Variants in PCDH15 observed in about 807,000 individuals in gnomAD.
PCDH15 encodes the protein protocadherin-15.
In PCDH15, 129 loss-of-function variants were observed where a neutral mutation model predicts 178.5. The ratio of observed to expected loss-of-function variants is 0.72; its 90% CI spans 0.63 to 0.84. The LOEUF (loss-of-function observed/expected upper bound fraction) is 0.84. Ranked by LOEUF, PCDH15 falls within the 40% of genes least tolerant of loss-of-function variation. The pLI is 0.00. For synonymous variants in PCDH15, 800 were observed against 732.0 expected, an observed-to-expected ratio of 1.09 and a Z score of -1.50; for missense variants, 2,230 against 2,099.9, an observed-to-expected ratio of 1.06 and a Z score of -1.21.
At chr10:54,598,026 T>G (rs2092327112) in intron 2 of PCDH15, among the ~76,000 whole-genome samples, 1 of 152,130 alleles carries the variant, frequency 6.6e-6, no homozygotes, top group Non-Finnish European at 1.5e-5. Flanking sequence ...CTAGACCAGA[T>G]GAATTCACTT....
intron 13 of PCDH15, 136 bp downstream of exon 13, chr10:54,183,308 C>T (rs1223879645): frequency 3.0e-5 from 26 of 879,140 alleles, no homozygotes; most frequent in Non-Finnish European, 3.7e-6. Flanking sequence ...AAATTTAAAG[C>T]TATTTAAACT....
intron 1 of PCDH15, among the ~76,000 whole-genome samples, chr10:55,190,357 G>A (rs72801693): frequency 6.6e-6 from 1 of 151,086 alleles, no homozygotes; most frequent in African/African-American, 2.4e-5. Flanking sequence ...TTATCCAGGG[G>A]TATATATATG....
intron 2 of PCDH15, among the ~76,000 whole-genome samples, chr10:55,528,561 AT>A (rs1178695996): frequency 2.0e-5 from 3 of 151,980 alleles, no homozygotes; most frequent in African/African-American, 7.2e-5. Context: ...TGAACTCATC[AT>A]TTTTTATGGC....
intron 2 of PCDH15, among the ~76,000 whole-genome samples, chr10:54,993,681 C>T (rs943488762): frequency 6.6e-6 from 1 of 151,950 alleles, no homozygotes; most frequent in Non-Finnish European, 1.5e-5. Flanking sequence ...TGAAAAAACA[C>T]AAGTGAGGTA....
intron 2 of PCDH15, among the ~76,000 whole-genome samples, chr10:55,591,611 C>G (rs1842844311): frequency 6.6e-6 from 1 of 151,920 alleles, no homozygotes. Context: ...ATTTGACAAA[C>G]TTTTGCTTTC....
intron 2 of PCDH15, among the ~76,000 whole-genome samples, chr10:55,405,465 T>C (rs1156298686): frequency 1.3e-5 from 2 of 151,438 alleles, no homozygotes; most frequent in African/African-American, 2.4e-5. Context: ...ACTTAAATCA[T>C]TTATCTATTT....
chr10:54,809,803 A>G (rs1220602193), intron 3 of PCDH15, among the ~76,000 whole-genome samples: 3 of 152,166 alleles, frequency 2.0e-5, no homozygotes, highest in East Asian at 1.9e-4. Context: ...TTTGTTGGAC[A>G]AGGAAGTTGA....
chr10:55,009,250 A>ATATGTG, intron 2 of PCDH15, among the ~76,000 whole-genome samples: 1 of 149,450 alleles, frequency 6.7e-6, no homozygotes, highest in Non-Finnish European at 1.5e-5. Context: ...GCACGCACAG[A>ATATGTG]TGTGTGTGTG....
Position 55,341,574 on chromosome 10 carries a change from C to CT in PCDH15, c.-155-174924dup, listed in dbSNP as rs60297759. ...TTTTCTCATATTCTAGATTAGCATCCTTTTTTTTTTTTTTGAGACAGAGTC... is the reference window on the plus strand; with the variant it reads ...TTTTCTCATATTCTAGATTAGCATCCTTTTTTTTTTTTTTTGAGACAGAGTC... On this transcript the variant is annotated intron_variant, in intron 2 of 5. Coordinates refer to the PCDH15 transcript ENST00000613346. 1.3e-3 allele frequency among the ~76,000 whole-genome samples: 174 copies of CT among 137,184 alleles called. 3 individuals carry two copies. The highest frequency in any genetic ancestry group is 6.2e-3 in the South Asian group (27 of 4,338). 90.0% of individuals were successfully genotyped at this position (137,184 alleles called of 152,430 possible).
rs542672363 is a variant in PCDH15 at position 54,593,058 on chromosome 10, C to T, written c.92-65181G>A. Reference sequence around the variant, plus strand: ...TTATTTTTCTATTGAGTTTTGTGAACTCCTTATATATTTTGAATATTACCT... The same window carrying T: ...TTATTTTTCTATTGAGTTTTGTGAATTCCTTATATATTTTGAATATTACCT... On this transcript the variant is annotated intron_variant, in intron 2 of 37. Coordinates refer to ENST00000644397, the MANE Select transcript of PCDH15 (RefSeq NM_001384140.1). 2.0e-5 allele frequency among the ~76,000 whole-genome samples: 3 copies of T among 152,126 alleles called. No individual in the cohort carries two copies. The South Asian group carries it at 6.2e-4, about 32-fold the overall frequency.
At chr10:55,602,071 T>C (rs1386876398) in intron 2 of PCDH15, among the ~76,000 whole-genome samples, 3 of 152,024 alleles carry the variant, frequency 2.0e-5, no homozygotes, top group Non-Finnish European at 2.9e-5. Context: ...GTTGCCTCAC[T>C]CGGGAGGCGC....
intron 8 of PCDH15, among the ~76,000 whole-genome samples, chr10:54,268,837 TA>T (rs1218817614): frequency 3.3e-5 from 5 of 151,930 alleles, no homozygotes; most frequent in Admixed American, 2.6e-4. Flanking sequence ...TGATTTAAGA[TA>T]TTTTTTGATG....
At chr10:55,091,022 G>T (rs1351511945) in intron 2 of PCDH15, among the ~76,000 whole-genome samples, 3 of 151,732 alleles carry the variant, frequency 2.0e-5, no homozygotes, top group Non-Finnish European at 4.4e-5. Context: ...TTTACTTTAT[G>T]ACGTTATTTA....
chr10:55,086,016 T>C (rs1842159678), intron 2 of PCDH15, among the ~76,000 whole-genome samples: 1 of 151,706 alleles, frequency 6.6e-6, no homozygotes, highest in Non-Finnish European at 1.5e-5. Context: ...ATTCTTAAAT[T>C]ATATACATAT....
intron 1 of PCDH15, among the ~76,000 whole-genome samples, chr10:55,188,393 T>G (rs970787815): frequency 2.0e-5 from 3 of 151,928 alleles, no homozygotes; most frequent in African/African-American, 7.2e-5. Context: ...ATATTTCCAT[T>G]TTGATCATCA....
Position 53,805,580 on chromosome 10 carries a change from C to T in PCDH15, c.*999G>A, listed in dbSNP as rs919684898. On this transcript the variant is annotated 3_prime_UTR_variant, in exon 38 of 38. Coordinates refer to ENST00000644397, the MANE Select transcript of PCDH15 (RefSeq NM_001384140.1). ...TGAAAATGGAAGAAGTTAAACACAA[C>T]ATTTGAAGTTATGAATTCATAGCCT... 1 of 151,960 alleles carries T rather than the reference C, an allele frequency of 6.6e-6. No homozygotes were observed. The highest frequency in any genetic ancestry group is 2.4e-5 in the African/African-American group (1 of 41,350). 9.4% of individuals were successfully genotyped at this position (151,960 alleles called of 1,614,324 possible).
In PCDH15 at chr10:55,420,534, C is replaced by T. The variant is rs564897949; in HGVS notation, c.-156+207091G>A. Among the ~76,000 whole-genome samples, 45 of 151,560 alleles carry T rather than the reference C, an allele frequency of 3.0e-4. 1 individual carries two copies. In the South Asian group the frequency reaches 8.5e-3, roughly 29 times the overall value. ...GTCTGCATTTAGGAGGGGGATGACACGCAGAGAAATCCCAAGGAATCACTT... is the reference window on the plus strand; with the variant it reads ...GTCTGCATTTAGGAGGGGGATGACATGCAGAGAAATCCCAAGGAATCACTT... On this transcript the variant is annotated intron_variant, in intron 2 of 5. Coordinates refer to the PCDH15 transcript ENST00000613346.
At chr10:55,265,741 G>T (rs1295413369) in intron 1 of PCDH15, among the ~76,000 whole-genome samples, 9 of 152,048 alleles carry the variant, frequency 5.9e-5, no homozygotes, top group Admixed American at 4.6e-4. Context: ...GCTAAGAGAG[G>T]CCTTGGTAAA....
In PCDH15 at chr10:54,462,680, ATTTTTTTT is replaced by A. The variant is rs767750465; in HGVS notation, c.157+65124_157+65131del. Among the ~76,000 whole-genome samples the A allele has an allele frequency of 1.8e-3, 103 of 56,240 alleles. 1 individual carries two copies. Among genetic ancestry groups the A allele is most frequent in the African/African-American group, 8.3e-3 (93 of 11,256 alleles). 36.9% of individuals were successfully genotyped at this position (56,240 alleles called of 152,430 possible). On this transcript the variant is annotated intron_variant, in intron 3 of 37. Transcript: ENST00000644397. ...AGGCACGTGTCACCACACCTGCTTAATTTTTTTTTTTTTTTTTTTTTTTTTTTTTTTAA... is the reference window on the plus strand; with the variant it reads ...AGGCACGTGTCACCACACCTGCTTAATTTTTTTTTTTTTTTTTTTTTTTAA...
Sources: allele counts gnomAD v4.1 joint callset (sites outside exome capture counted in the v4.1 genomes callset), GRCh38; gene constraint gnomAD v4.1.1; transcripts MANE v1.5; gene names NCBI Gene and HGNC (gene_info 2026-07-23, HGNC 2026-07-21).